The following TBXAS1 variants were observed in gnomAD, a reference collection of about 807,000 sequenced individuals.
The protein encoded by TBXAS1 is thromboxane A synthase 1.
TBXAS1 carries 48 observed loss-of-function variants against 60.7 expected under a neutral mutation model. That is an observed-to-expected ratio of 0.79 (90% CI 0.63 to 1.01). The LOEUF is 1.01. Ranked by LOEUF, TBXAS1 falls within the 50% of genes least tolerant of loss-of-function variation. The pLI, the probability that TBXAS1 is intolerant of heterozygous loss-of-function variation, is 0.00. For missense variants in TBXAS1, 685 were observed against 686.3 expected, an observed-to-expected ratio of 1.00 and a Z score of 0.02; for synonymous variants, 287 against 269.7, an observed-to-expected ratio of 1.06 and a Z score of -0.63.
chr7:139,936,124 C>T (rs201983376), intron 4 of TBXAS1, 67 bp from the exon 5 acceptor site: 50 of 1,453,534 alleles, frequency 3.4e-5, no homozygotes, highest in South Asian at 1.1e-5. Context: ...TTGTCATGGA[C>T]CTGTATTGCC....
At chr7:139,829,086 A>T, upstream of TBXAS1, 1 of 460,458 alleles carries the variant, frequency 2.2e-6, no homozygotes, top group East Asian at 5.3e-5. Context: ...TTCTCAGCAA[A>T]CATGGGGAAG....
intron 7 of TBXAS1, 139 bp downstream of exon 7, chr7:139,955,746 C>T (rs1809820579): frequency 7.8e-7 from 1 of 1,279,872 alleles, no homozygotes; most frequent in Non-Finnish European, 1.1e-6. Context: ...GAGGCTTTGT[C>T]TTATGGAGCC....
At chr7:140,017,248 G>A (rs1044165468) in intron 11 of TBXAS1, among the ~76,000 whole-genome samples, 3 of 152,188 alleles carry the variant, frequency 2.0e-5, no homozygotes, top group Non-Finnish European at 4.4e-5. Context: ...TGAGGTGCCC[G>A]GTACCCTGCC....
Position 139,976,000 on chromosome 7 carries a change from T to C in TBXAS1, c.1134+13767T>C, listed in dbSNP as rs1023520040. ...TTGTAAATGATCTTGTCTCCTTCCT[T>C]GTAGAAAGCTTTTCAGCCATTCCAG... On this transcript the variant is annotated intron_variant, in intron 9 of 12. Transcript: ENST00000448866. The surrounding 1 kb of genome is among the most constrained non-coding windows in gnomAD (Gnocchi z 4.4). 1.3e-5 allele frequency among the ~76,000 whole-genome samples: 2 copies of C among 152,236 alleles called. No individual in the cohort carries two copies. The highest frequency in any genetic ancestry group is 2.4e-5 in the African/African-American group (1 of 41,470).
intron 4 of TBXAS1, among the ~76,000 whole-genome samples, chr7:139,798,298 C>G (rs1797622550): frequency 6.6e-6 from 1 of 151,896 alleles, no homozygotes; most frequent in Admixed American, 6.6e-5. Context: ...AAATGGATGC[C>G]AAGGAGAGGG....
At chr7:139,856,199 C>T (rs979782287) in intron 1 of TBXAS1, among the ~76,000 whole-genome samples, 1 of 152,228 alleles carries the variant, frequency 6.6e-6, no homozygotes, top group Non-Finnish European at 1.5e-5. Context: ...AAATGGACTA[C>T]AGGGTTGTGG....
intron 5 of TBXAS1, among the ~76,000 whole-genome samples, chr7:139,937,720 G>T (rs1468560767): frequency 6.6e-6 from 1 of 152,178 alleles, no homozygotes; most frequent in Non-Finnish European, 1.5e-5. Flanking sequence ...GAGAGATTAA[G>T]TAGCGTGCTC....
chr7:139,951,950 AAAAG>A (rs776126423), intron 5 of TBXAS1, among the ~76,000 whole-genome samples: 1,273 of 41,884 alleles, frequency 0.03, 56 homozygotes, highest in African/African-American at 0.058. Flanking sequence ...GGAAAGAAAG[AAAAG>A]AAAGAAAGAA....
chr7:139,920,269 A>T (rs1806352917), intron 4 of TBXAS1, among the ~76,000 whole-genome samples: 1 of 152,184 alleles, frequency 6.6e-6, no homozygotes. Flanking sequence ...GGCTGCCAGC[A>T]CTAATCTAGC....
At chr7:139,897,692 G>A (rs570982128) in intron 3 of TBXAS1, among the ~76,000 whole-genome samples, 2 of 152,260 alleles carry the variant, frequency 1.3e-5, no homozygotes, top group Admixed American at 6.5e-5. Flanking sequence ...AAAGGGGAGG[G>A]GCTGAGAAAG....
chr7:139,971,262 C>T (rs112334538), intron 9 of TBXAS1, among the ~76,000 whole-genome samples: 1 of 152,278 alleles, frequency 6.6e-6, no homozygotes, highest in East Asian at 1.9e-4. Flanking sequence ...CTCCTCCCAG[C>T]CCGTGAAGAG....
intron 4 of TBXAS1, 105 bp downstream of exon 4, chr7:139,911,426 T>G (rs1805511451): frequency 4.8e-6 from 5 of 1,050,610 alleles, no homozygotes; most frequent in Non-Finnish European, 7.5e-6. Context: ...TGATCAGGTT[T>G]ATGTCAGTTC....
chr7:139,825,487 G>C (rs989321803), upstream of TBXAS1, among the ~76,000 whole-genome samples: 2 of 152,164 alleles, frequency 1.3e-5, no homozygotes, highest in African/African-American at 4.8e-5. Context: ...AAGAATATTA[G>C]AGGAATGAGC....
At chr7:140,012,487 G>C (rs182448395) in intron 10 of TBXAS1, among the ~76,000 whole-genome samples, 18 of 151,012 alleles carry the variant, frequency 1.2e-4, no homozygotes, top group Admixed American at 7.9e-4. Context: ...TTTTGAGACG[G>C]AGTCTCGCTC....
At chr7:139,850,378 C>A (rs755160975) in intron 1 of TBXAS1, among the ~76,000 whole-genome samples, 5 of 152,166 alleles carry the variant, frequency 3.3e-5, no homozygotes, top group Non-Finnish European at 7.4e-5. Flanking sequence ...CAAAGCACAA[C>A]ATGAAAAAAG....
intron 4 of TBXAS1, among the ~76,000 whole-genome samples, chr7:139,922,602 G>A (rs371982146): frequency 6.6e-6 from 1 of 152,118 alleles, no homozygotes; most frequent in East Asian, 1.9e-4. Flanking sequence ...CATGGTTTGT[G>A]TGTTATTTTC....
intron 9 of TBXAS1, among the ~76,000 whole-genome samples, chr7:139,964,669 G>C (rs750235486): frequency 1.5e-4 from 23 of 152,250 alleles, no homozygotes; most frequent in Non-Finnish European, 3.2e-4. Flanking sequence ...AGGAGAGGGG[G>C]CAGAAGCTCT....
At position 139,908,342 on chromosome 7, in the gene TBXAS1, T is replaced by C. The variant is rs560423372; in HGVS notation, c.237-2883T>C. Among the ~76,000 whole-genome samples, 9 of 152,238 alleles carry C rather than the reference T, an allele frequency of 5.9e-5. No individual in the cohort carries two copies. In the South Asian group the frequency reaches 1.9e-3, roughly 32 times the overall value. On this transcript the variant is annotated intron_variant, in intron 3 of 12. Transcript: ENST00000448866. ...AGCTGCAGCCACACATTTTGATATA[T>C]TGTTATCTAGTCATTACATTATATT... is the stretch of plus-strand genomic sequence containing the variant.
intron 9 of TBXAS1, among the ~76,000 whole-genome samples, chr7:139,979,984 G>A (rs1395640307): frequency 3.4e-5 from 5 of 149,166 alleles, no homozygotes; most frequent in Non-Finnish European, 7.4e-5. Flanking sequence ...TATTTATTCC[G>A]TCGCCTGGGT....
Sources: gnomAD v4.1 joint callset for allele counts (sites outside exome capture counted in the v4.1 genomes callset) on GRCh38, gnomAD v4.1.1 for gene constraint, Gnocchi (gnomAD v3.1) non-coding constraint, MANE v1.5 for transcripts, NCBI Gene and HGNC (gene_info 2026-07-23, HGNC 2026-07-21) for gene names.